FBXL13: variants seen among roughly 807,000 people sequenced by gnomAD.
The protein encoded by FBXL13 is F-box and leucine-rich repeat protein 13.
Under a neutral mutation model 83.6 loss-of-function variants are expected in FBXL13, and 67 were observed. That is an observed-to-expected ratio of 0.80 (90% confidence interval 0.66 to 0.98). FBXL13 has a LOEUF of 0.98. Ranked by LOEUF, FBXL13 falls within the 50% of genes least tolerant of loss-of-function variation. The pLI is 0.00. For missense variants in FBXL13, 822 were observed against 866.5 expected, an observed-to-expected ratio of 0.95 and a Z score of 0.64; for synonymous variants, 272 against 299.5, an observed-to-expected ratio of 0.91 and a Z score of 0.95.
At chr7:103,042,176 A>C (rs879680185) in intron 2 of FBXL13, among the ~76,000 whole-genome samples, 47 of 152,180 alleles carry the variant, frequency 3.1e-4, no homozygotes, top group Non-Finnish European at 6.2e-4. Context: ...CTATACACCA[A>C]TAATAGACAA....
At chr7:102,984,613 C>T (rs1828717342) in intron 6 of FBXL13, among the ~76,000 whole-genome samples, 1 of 152,046 alleles carries the variant, frequency 6.6e-6, no homozygotes, top group African/African-American at 2.4e-5. Flanking sequence ...TTTATTATAA[C>T]TACTTAATTG....
At chr7:102,920,409 A>G (rs1451921291) in intron 10 of FBXL13, among the ~76,000 whole-genome samples, 1 of 152,056 alleles carries the variant, frequency 6.6e-6, no homozygotes, top group Non-Finnish European at 1.5e-5. Flanking sequence ...ACTCTGTCAC[A>G]GCACAATCAT....
At chr7:102,973,729 T>G (rs772906053) in intron 6 of FBXL13, 1 of 766,138 alleles carries the variant, frequency 1.3e-6, no homozygotes, top group African/African-American at 1.7e-5. Context: ...AGCCTCCAGT[T>G]GCTTCTCTGT....
At chr7:103,011,466 C>A (rs1036282573) in intron 6 of FBXL13, among the ~76,000 whole-genome samples, 2 of 151,956 alleles carry the variant, frequency 1.3e-5, no homozygotes. Flanking sequence ...GAAACCCCAT[C>A]TCTACTAAAA....
At chr7:102,964,404 A>ATTT (rs1554482400) in intron 7 of FBXL13, among the ~76,000 whole-genome samples, 56 of 143,294 alleles carry the variant, frequency 3.9e-4, no homozygotes, top group African/African-American at 1.4e-3. Context: ...ATATATATAT[A>ATTT]TTTTTTTTTT....
intron 14 of FBXL13, among the ~76,000 whole-genome samples, chr7:102,880,856 C>T (rs1173547602): frequency 3.9e-5 from 6 of 152,166 alleles, no homozygotes; most frequent in Admixed American, 3.9e-4. Context: ...GTTCTGCCTC[C>T]CTACTTTGAG....
chr7:102,967,946 C>G, intron 7 of FBXL13, 76 bp downstream of exon 8: 1 of 1,133,046 alleles, frequency 8.8e-7, no homozygotes, highest in African/African-American at 1.5e-5. Flanking sequence ...GGTGTCCCCA[C>G]AACAGCTGGC....
intron 6 of FBXL13, among the ~76,000 whole-genome samples, chr7:103,004,431 T>C (rs980853990): frequency 2.0e-5 from 3 of 152,120 alleles, no homozygotes; most frequent in Admixed American, 6.5e-5. Flanking sequence ...GTGTGCCTCT[T>C]ACAGCATGGT....
intron 17 of FBXL13, among the ~76,000 whole-genome samples, chr7:102,851,933 T>C (rs143556006): frequency 3.1e-4 from 47 of 152,314 alleles, no homozygotes; most frequent in African/African-American, 1.1e-3. Context: ...CAATTACTTA[T>C]CTCATGCTTT....
intron 3 of FBXL13, 149 bp from the exon 5 acceptor site, chr7:103,028,897 CTGAAGAATT>C (rs1223449496): frequency 3.2e-5 from 17 of 525,360 alleles, no homozygotes; most frequent in African/African-American, 2.8e-4. Flanking sequence ...TGGGTATGAC[CTGAAGAATT>C]CCTAAGAGTT....
At chr7:103,018,323 A>C (rs1204896142) in intron 6 of FBXL13, among the ~76,000 whole-genome samples, 1 of 152,196 alleles carries the variant, frequency 6.6e-6, no homozygotes, top group Non-Finnish European at 1.5e-5. Flanking sequence ...TCCTGAAGGA[A>C]GCACTAAACA....
chr7:103,069,506 A>G (rs1242990591), intron 1 of FBXL13, among the ~76,000 whole-genome samples: 3 of 152,222 alleles, frequency 2.0e-5, no homozygotes, highest in African/African-American at 4.8e-5. Flanking sequence ...AGCAGAACCA[A>G]ATCTCTCACA....
intron 1 of FBXL13, among the ~76,000 whole-genome samples, chr7:103,061,873 G>A (rs1341154937): frequency 6.7e-6 from 1 of 148,946 alleles, no homozygotes; most frequent in African/African-American, 2.5e-5. Context: ...AGGAGGCGGA[G>A]CTTGCAGTGA....
rs565133739 is a variant in FBXL13 at position 102,937,005 on chromosome 7, G to A, written c.725-5072C>T. 5.9e-5 allele frequency among the ~76,000 whole-genome samples: 9 copies of A among 151,604 alleles called. 1 individual carries two copies. The highest frequency in any genetic ancestry group is 2.0e-4 in the Admixed American group (3 of 15,222). On this transcript the variant is annotated intron_variant, in intron 8 of 19. Coordinates refer to ENST00000313221, the Ensembl canonical transcript of FBXL13. Reference sequence around the variant, plus strand: ...TTATTGCTTTCTTCAACTTATTGTTGTGTAAACACAACCTTCCAGAAATGC... The same window carrying A: ...TTATTGCTTTCTTCAACTTATTGTTATGTAAACACAACCTTCCAGAAATGC...
intron 8 of FBXL13, among the ~76,000 whole-genome samples, chr7:102,945,732 C>A (rs1426558732): frequency 6.6e-6 from 1 of 152,160 alleles, no homozygotes; most frequent in Non-Finnish European, 1.5e-5. Flanking sequence ...CTACTTTTTC[C>A]TTTTAATATA....
intron 10 of FBXL13, among the ~76,000 whole-genome samples, chr7:102,915,832 T>C (rs1815745022): frequency 6.6e-6 from 1 of 152,232 alleles, no homozygotes; most frequent in Admixed American, 6.5e-5. Flanking sequence ...TTGTGAACTA[T>C]CAGTGATATT....
chr7:102,943,314 T>C (rs1278882594), intron 8 of FBXL13, among the ~76,000 whole-genome samples: 1 of 135,066 alleles, frequency 7.4e-6, no homozygotes, highest in Non-Finnish European at 1.6e-5. Context: ...TTTTGTAGCA[T>C]CTTTTTTTCC....
At chr7:102,983,273 G>C (rs996024546) in intron 6 of FBXL13, among the ~76,000 whole-genome samples, 4 of 152,070 alleles carry the variant, frequency 2.6e-5, no homozygotes, top group Non-Finnish European at 5.9e-5. Context: ...GGAGTGCGGA[G>C]GCCACTTCCA....
At chr7:103,018,868 A>G (rs1456191179) in intron 6 of FBXL13, among the ~76,000 whole-genome samples, 3 of 152,070 alleles carry the variant, frequency 2.0e-5, no homozygotes, top group African/African-American at 7.2e-5. Flanking sequence ...CTCCCACACA[A>G]TAATAATGGG....
Sources: allele counts gnomAD v4.1 joint callset (sites outside exome capture counted in the v4.1 genomes callset), GRCh38; gene constraint gnomAD v4.1.1; transcripts MANE v1.5; gene names NCBI Gene and HGNC (gene_info 2026-07-23, HGNC 2026-07-21).